CDH4: variants seen among roughly 807,000 people sequenced by gnomAD.
CDH4 encodes the protein cadherin-4.
Under a neutral mutation model 86.0 loss-of-function variants are expected in CDH4, and 33 were observed. The observed-to-expected ratio is 0.38, with a 90% confidence interval of 0.29 to 0.51. CDH4 has a LOEUF of 0.51. Ranked by LOEUF, CDH4 falls within the 20% of genes least tolerant of loss-of-function variation. The pLI is 0.86. For missense variants in CDH4, 1,114 were observed against 1,307.4 expected, an observed-to-expected ratio of 0.85 and a Z score of 2.28; for synonymous variants, 555 against 549.4, an observed-to-expected ratio of 1.01 and a Z score of -0.14.
At chr20:61,564,472 G>A (rs949045732) in intron 2 of CDH4, among the ~76,000 whole-genome samples, 3 of 152,010 alleles carry the variant, frequency 2.0e-5, no homozygotes, top group Non-Finnish European at 2.9e-5. Flanking sequence ...CTGAGCTCAC[G>A]GGAGAGCTGG....
At chr20:61,274,185 A>AC (rs1305388377) in intron 2 of CDH4, among the ~76,000 whole-genome samples, 3 of 46,316 alleles carry the variant, frequency 6.5e-5, no homozygotes, top group South Asian at 7.9e-4. Flanking sequence ...ACTGTGTGCA[A>AC]TTTGGGGAGT....
At position 61,853,031 on chromosome 20, in the gene CDH4, G is replaced by A. The variant is rs868773440; in HGVS notation, c.877+133G>A. ...CACGGGACTTGGGCGCAGACACACA[G>A]CATGCAGCAGACGTCCACCAAAGCC... On this transcript the variant is annotated intron_variant, in intron 6 of 15. Transcript: ENST00000614565. 150 of 903,932 alleles carry A rather than the reference G, an allele frequency of 1.7e-4. No homozygotes were observed. In the Middle Eastern group the frequency reaches 2.6e-3, roughly 16 times the overall value. The allele number at this position is 903,932 out of a possible 1,614,324, so 56.0% of individuals were successfully genotyped here. A position where few individuals can be genotyped will look rare whatever the true frequency, so the allele number is the denominator to read the frequency against.
intron 9 of CDH4, among the ~76,000 whole-genome samples, chr20:61,922,021 T>G (rs908702892): frequency 6.6e-6 from 1 of 152,212 alleles, no homozygotes; most frequent in African/African-American, 2.4e-5. Context: ...AGCTCTCCTC[T>G]TCAGTACACA....
intron 2 of CDH4, among the ~76,000 whole-genome samples, chr20:61,613,287 CT>C (rs1219186511): frequency 6.6e-6 from 1 of 152,114 alleles, no homozygotes; most frequent in African/African-American, 2.4e-5. Context: ...CAGCTGCTGC[CT>C]TCCAGGCAGA....
intron 2 of CDH4, among the ~76,000 whole-genome samples, chr20:61,420,991 G>A (rs1000432582): frequency 1.3e-5 from 2 of 152,282 alleles, no homozygotes; most frequent in African/African-American, 4.8e-5. Flanking sequence ...ATAGGACAGT[G>A]ACGGCAAGGC....
At chr20:61,854,702 G>T (rs1461882930) in intron 6 of CDH4, among the ~76,000 whole-genome samples, 2 of 145,412 alleles carry the variant, frequency 1.4e-5, no homozygotes, top group Admixed American at 6.8e-5. Context: ...CACCCCCAGG[G>T]CTGCAGTGTG....
chr20:61,686,463 A>G (rs1227854057), intron 2 of CDH4, among the ~76,000 whole-genome samples: 1 of 136,372 alleles, frequency 7.3e-6, no homozygotes, highest in Non-Finnish European at 1.6e-5. Context: ...GTGTGTGTGC[A>G]TTTGCGTGTA....
chr20:61,918,717 T>C (rs1568886770), intron 9 of CDH4, among the ~76,000 whole-genome samples: 1 of 151,992 alleles, frequency 6.6e-6, no homozygotes. Flanking sequence ...TTGCAGTGAC[T>C]GCGTGTCACC....
intron 2 of CDH4, among the ~76,000 whole-genome samples, chr20:61,320,841 G>A (rs757906384): frequency 6.6e-6 from 1 of 151,994 alleles, no homozygotes. Context: ...GTGGGGACAC[G>A]GCCAGGTGGC....
chr20:61,476,146 A>T (rs2085534754), intron 2 of CDH4, among the ~76,000 whole-genome samples: 1 of 152,218 alleles, frequency 6.6e-6, no homozygotes, highest in Admixed American at 6.5e-5. Flanking sequence ...TCAGATTGAA[A>T]ATCAACCACA....
chr20:61,732,514 A>C (rs2088204247), intron 2 of CDH4, among the ~76,000 whole-genome samples: 2 of 152,138 alleles, frequency 1.3e-5, no homozygotes, highest in Non-Finnish European at 2.9e-5. Context: ...CTCAGGACCC[A>C]GGGCCTTGCA....
At chr20:61,635,447 C>G (rs2086936794) in intron 2 of CDH4, among the ~76,000 whole-genome samples, 1 of 152,196 alleles carries the variant, frequency 6.6e-6, no homozygotes, top group South Asian at 2.1e-4. Flanking sequence ...ATCCTGTGCC[C>G]AAGAGGGGCT....
chr20:61,907,514 G>C (rs2054803347), intron 8 of CDH4, among the ~76,000 whole-genome samples: 1 of 152,180 alleles, frequency 6.6e-6, no homozygotes, highest in Non-Finnish European at 1.5e-5. Flanking sequence ...AGTCGCCCCT[G>C]CTATCCCCCA....
chr20:61,580,772 A>G (rs568890643), intron 2 of CDH4, among the ~76,000 whole-genome samples: 50 of 152,296 alleles, frequency 3.3e-4, no homozygotes, highest in African/African-American at 1.1e-3. Context: ...GCCATTAGCA[A>G]TGGGTGGCGC....
At chr20:61,825,303 G>C (rs1235911160) in intron 4 of CDH4, among the ~76,000 whole-genome samples, 1 of 152,160 alleles carries the variant, frequency 6.6e-6, no homozygotes, top group Non-Finnish European at 1.5e-5. Flanking sequence ...CAGCTGCTTA[G>C]GAAGCTGAGG....
intron 2 of CDH4, among the ~76,000 whole-genome samples, chr20:61,534,490 G>A (rs368129280): frequency 3.3e-5 from 5 of 152,076 alleles, no homozygotes; most frequent in African/African-American, 1.2e-4. Flanking sequence ...CGCCGTGATC[G>A]GAGGCTGAGA....
chr20:61,427,235 C>T (rs1258990239), intron 2 of CDH4, among the ~76,000 whole-genome samples: 2 of 152,168 alleles, frequency 1.3e-5, no homozygotes, highest in Admixed American at 6.5e-5. Context: ...CCTGTGTGTG[C>T]AGGGAGCTGA....
intron 2 of CDH4, among the ~76,000 whole-genome samples, chr20:61,607,796 A>G (rs957498022): frequency 7.2e-5 from 11 of 152,214 alleles, no homozygotes; most frequent in African/African-American, 2.7e-4. Flanking sequence ...AGGTTTCTGC[A>G]GGAATAGGAA....
intron 4 of CDH4, among the ~76,000 whole-genome samples, chr20:61,793,981 A>AC (rs1174003901): frequency 1.3e-5 from 1 of 76,456 alleles, no homozygotes; most frequent in Non-Finnish European, 2.5e-5. Flanking sequence ...TACTAAAAAT[A>AC]CAAAAAAAAA....
Sources: allele counts gnomAD v4.1 joint callset (sites outside exome capture counted in the v4.1 genomes callset), GRCh38; gene constraint gnomAD v4.1.1; transcripts MANE v1.5; gene names NCBI Gene and HGNC (gene_info 2026-07-23, HGNC 2026-07-21).